The following GNL2 variants were observed in gnomAD, a reference collection of about 807,000 sequenced individuals.
GNL2 encodes the protein G protein nucleolar 2.
A neutral mutation model predicts 92.3 loss-of-function variants in GNL2; 51 were observed. That is an observed-to-expected ratio of 0.55 (90% confidence interval 0.44 to 0.70). The LOEUF is 0.70. GNL2 is among the 30% of genes least tolerant of loss of function. The pLI is 0.00. For synonymous variants in GNL2, 283 were observed against 300.6 expected (o/e 0.94, Z 0.61); for missense variants, 844 against 895.6 (o/e 0.94, Z 0.74).
chr1:37,575,766 G>T lies in GNL2; in HGVS notation c.1039-67C>A. 1.0e-6 allele frequency: 1 copy of T among 967,850 alleles called. No homozygotes were observed. Among genetic ancestry groups the T allele is most frequent in the Non-Finnish European group, 1.6e-6 (1 of 630,056 alleles). The allele number at this position is 967,850 out of a possible 1,614,324, so 60.0% of individuals were successfully genotyped here. On this transcript the variant is annotated intron_variant, in intron 9 of 15. Coordinates refer to ENST00000373062, the MANE Select transcript of GNL2 (RefSeq NM_013285.3). The surrounding 1 kb of genome is among the most constrained non-coding windows in gnomAD (Gnocchi z 4.1). Reference sequence around the variant, plus strand: ...TAAGAGTCTAATTTCACAAACCCCTGATGCTCATGTATGAAGCTGGAAAGG... The same window carrying T: ...TAAGAGTCTAATTTCACAAACCCCTTATGCTCATGTATGAAGCTGGAAAGG...
At chr1:37,574,001 T>C (rs545714374) in intron 12 of GNL2, among the ~76,000 whole-genome samples, 1 of 152,328 alleles carries the variant, frequency 6.6e-6, no homozygotes, top group East Asian at 1.9e-4. Context: ...CAAGCAATTC[T>C]CTTGCCTCAG....
Position 37,576,538 on chromosome 1 carries a change from G to A in GNL2, c.928C>T (p.Gln310Ter), listed in dbSNP as rs1417823227. 1.2e-6 allele frequency: 2 copies of A among 1,613,816 alleles called. No individual in the cohort carries two copies. The highest frequency in any genetic ancestry group is 2.7e-5 in the African/African-American group (2 of 74,916). Residue 310 changes from glutamine (Q) to a stop codon, truncating the protein, a stop_gained, in exon 9 of 16, where the codon CAG becomes TAG. Coordinates refer to ENST00000373062, the MANE Select transcript of GNL2 (RefSeq NM_013285.3). LOFTEE classifies it high-confidence loss of function. ...TAGCCAATGAACCCAACACTGATCTGTTTCTTGTCAGTGTGCAACTGTTCA... is the reference window on the plus strand; with the variant it reads ...TAGCCAATGAACCCAACACTGATCTATTTCTTGTCAGTGTGCAACTGTTCA... ...QFGKLHTDKK[Q>*]ISVGFIGYPN...
intron 4 of GNL2, among the ~76,000 whole-genome samples, chr1:37,590,402 C>T (rs776754599): frequency 3.9e-5 from 6 of 152,162 alleles, no homozygotes; most frequent in South Asian, 2.1e-4. Context: ...CCACTGTGTC[C>T]GACCTATCTA....
At chr1:37,568,221 C>A in intron 14 of GNL2, 54 bp downstream of exon 14, 1 of 1,180,446 alleles carries the variant, frequency 8.5e-7, no homozygotes, top group South Asian at 1.2e-5. Context: ...TTAGGTTTCT[C>A]AAAACTCTAA....
At chr1:37,594,892 G>A (rs1015086564) in intron 1 of GNL2, among the ~76,000 whole-genome samples, 1 of 152,218 alleles carries the variant, frequency 6.6e-6, no homozygotes, top group African/African-American at 2.4e-5. Context: ...GTAGAAGACA[G>A]GCTGAAACCA....
chr1:37,575,461 T>A lies in GNL2; in HGVS notation c.1143+134A>T, dbSNP rs1316867091. ...TATGCTGAGAGGCTGCTGTTCAGCA[T>A]CATGTTCCTAAAGTTTGGTCAGACA... is the stretch of plus-strand genomic sequence containing the variant. On this transcript the variant is annotated intron_variant, in intron 10 of 15. Coordinates refer to ENST00000373062, the MANE Select transcript of GNL2 (RefSeq NM_013285.3). This position sits in a 1 kb window ranked among gnomAD's most constrained non-coding sequence, Gnocchi z 4.1. The A allele has an allele frequency of 1.4e-5, 8 of 554,188 alleles. No homozygotes were observed. The highest frequency in any genetic ancestry group is 2.3e-5 in the Non-Finnish European group (7 of 308,938). 34.3% of individuals were successfully genotyped at this position (554,188 alleles called of 1,614,324 possible).
chr1:37,568,459 C>T (rs1643542398), intron 13 of GNL2, 102 bp from the exon 14 acceptor site: 1 of 724,784 alleles, frequency 1.4e-6, no homozygotes, highest in Non-Finnish European at 2.5e-6. Context: ...AACCCCACTC[C>T]TATCCAAGTA....
chr1:37,590,666 G>T (rs1643882057), intron 4 of GNL2, 40 bp downstream of exon 4: 2 of 1,549,572 alleles, frequency 1.3e-6, no homozygotes, highest in South Asian at 1.1e-5. Context: ...CATGGAGTTT[G>T]CCCAGGAAAT....
intron 8 of GNL2, among the ~76,000 whole-genome samples, chr1:37,580,578 C>G (rs1643750819): frequency 6.6e-6 from 1 of 152,122 alleles, no homozygotes; most frequent in Non-Finnish European, 1.5e-5. Context: ...AATAAGAGGT[C>G]CCATACAGGA....
chr1:37,580,720 T>C (rs1260608708), intron 8 of GNL2, among the ~76,000 whole-genome samples: 1 of 152,204 alleles, frequency 6.6e-6, no homozygotes, highest in African/African-American at 2.4e-5. Context: ...CTGTGCTGCC[T>C]GGAAGCTCTG....
In GNL2 at chr1:37,594,059, T is replaced by C. The variant is rs549393583; in HGVS notation, c.65-213A>G. 1.8e-4 allele frequency: 96 copies of C among 533,020 alleles called. 1 individual carries two copies. Among genetic ancestry groups the C allele is most frequent in the South Asian group, 9.8e-4 (39 of 39,630 alleles). 33.0% of individuals were successfully genotyped at this position (533,020 alleles called of 1,614,324 possible). A position where few individuals can be genotyped will look rare whatever the true frequency, so the allele number is the denominator to read the frequency against. On this transcript the variant is annotated intron_variant, in intron 1 of 15. Transcript: ENST00000373062. ...ACCCAATCTTTGATCTTCGATAGGA[T>C]TGTATTTGAGAAGAATAGCTAATAT...
chr1:37,568,592 A>G (rs1255389743), intron 13 of GNL2, among the ~76,000 whole-genome samples: 1 of 152,232 alleles, frequency 6.6e-6, no homozygotes, highest in African/African-American at 2.4e-5. Flanking sequence ...TAAAAATGGC[A>G]ATAACAGCCA....
rs774980105 is a variant in GNL2, at chr1:37,575,556, C to T, written c.1143+39G>A. 2.4e-6 allele frequency: 3 copies of T among 1,246,080 alleles called. No homozygotes were observed. Among genetic ancestry groups the T allele is most frequent in the South Asian group, 1.4e-5 (1 of 70,198 alleles). 77.2% of individuals were successfully genotyped at this position (1,246,080 alleles called of 1,614,324 possible). ...TCCAGGGTTCCCTATAGAACACTCCCCCGCAAACACAAACAGCCTATCAGG... is the reference window on the plus strand; with the variant it reads ...TCCAGGGTTCCCTATAGAACACTCCTCCGCAAACACAAACAGCCTATCAGG... On this transcript the variant is annotated intron_variant, in intron 10 of 15. Coordinates refer to ENST00000373062, the MANE Select transcript of GNL2 (RefSeq NM_013285.3). This position sits in a 1 kb window ranked among gnomAD's most constrained non-coding sequence, Gnocchi z 4.1.
At chr1:37,595,568 C>T (rs1643916988) in intron 1 of GNL2, among the ~76,000 whole-genome samples, 191 bp downstream of exon 1, 1 of 152,220 alleles carries the variant, frequency 6.6e-6, no homozygotes, top group Non-Finnish European at 1.5e-5. Context: ...GAGCCCTCCT[C>T]AGTTCCCCCC....
intron 15 of GNL2, 50 bp downstream of exon 15, chr1:37,567,623 G>A (rs1300771489): frequency 3.9e-5 from 47 of 1,201,220 alleles, no homozygotes; most frequent in Non-Finnish European, 5.2e-5. Flanking sequence ...CTTGACAACT[G>A]GAGTTCTAGT....
chr1:37,577,619 C>T (rs1355036218), intron 8 of GNL2, among the ~76,000 whole-genome samples: 1 of 151,744 alleles, frequency 6.6e-6, no homozygotes, highest in Non-Finnish European at 1.5e-5. Context: ...AATATAAAAG[C>T]TAAGTGGTTG....
chr1:37,581,070 G>T (rs1643759063), intron 8 of GNL2, among the ~76,000 whole-genome samples: 1 of 152,154 alleles, frequency 6.6e-6, no homozygotes, highest in Admixed American at 6.6e-5. Flanking sequence ...AATACAGGGG[G>T]AAGTACATAC....
At chr1:37,584,815 G>A (rs1195130405) in intron 5 of GNL2, among the ~76,000 whole-genome samples, 1 of 152,000 alleles carries the variant, frequency 6.6e-6, no homozygotes, top group Non-Finnish European at 1.5e-5. Flanking sequence ...GGGCACAGTG[G>A]CTCACACTTG....
At chr1:37,590,351 G>A (rs1410953215) in intron 4 of GNL2, among the ~76,000 whole-genome samples, 10 of 152,212 alleles carry the variant, frequency 6.6e-5, no homozygotes, top group Admixed American at 6.5e-5. Flanking sequence ...CAGGTGATCC[G>A]CCTGCCTGAG....
Sources: gnomAD v4.1 joint callset for allele counts (sites outside exome capture counted in the v4.1 genomes callset) on GRCh38, gnomAD v4.1.1 for gene constraint, Gnocchi (gnomAD v3.1) non-coding constraint, MANE v1.5 for transcripts, NCBI Gene and HGNC (gene_info 2026-07-23, HGNC 2026-07-21) for gene names.